The following CTNNA3 variants were observed in gnomAD, a reference collection of about 807,000 sequenced individuals.
CTNNA3 encodes the protein catenin alpha 3, also known as catenin alpha-3.
In CTNNA3, 76 loss-of-function variants were observed where a neutral mutation model predicts 95.7. The observed-to-expected ratio is 0.79, with a 90% CI of 0.66 to 0.96. CTNNA3 has a LOEUF of 0.96. Among genes scored for constraint, CTNNA3 ranks in the 40% least tolerant of loss-of-function variants. The probability of loss-of-function intolerance (pLI) is 0.00; values close to 1 mark genes in which losing one functional copy is unlikely to be tolerated. For missense variants in CTNNA3, 1,191 were observed against 1,089.8 expected (o/e 1.09, Z -1.31); for synonymous variants, 431 against 374.4 (o/e 1.15, Z -1.74).
intron 9 of CTNNA3, among the ~76,000 whole-genome samples, chr10:66,758,200 C>A (rs1336954409): frequency 2.0e-5 from 3 of 152,016 alleles, no homozygotes. Context: ...ACTTTCAATG[C>A]CAGGAATGGA....
chr10:67,213,367 T>C (rs1864220625), intron 6 of CTNNA3, among the ~76,000 whole-genome samples: 1 of 151,802 alleles, frequency 6.6e-6, no homozygotes, highest in Non-Finnish European at 1.5e-5. Context: ...CACCAGCAGT[T>C]TGTCAATTTT....
chr10:67,251,938 G>A (rs1866123114), intron 5 of CTNNA3, among the ~76,000 whole-genome samples: 1 of 152,096 alleles, frequency 6.6e-6, no homozygotes, highest in South Asian at 2.1e-4. Context: ...CTGAGGAGGT[G>A]GTGGCTCACA....
At chr10:66,340,780 C>A (rs1564881133) in intron 12 of CTNNA3, among the ~76,000 whole-genome samples, 1 of 151,426 alleles carries the variant, frequency 6.6e-6, no homozygotes, top group African/African-American at 2.4e-5. Context: ...TATTCTTACC[C>A]CTGTTTAATA....
intron 11 of CTNNA3, among the ~76,000 whole-genome samples, chr10:66,440,099 A>G (rs1453914065): frequency 6.6e-6 from 1 of 152,162 alleles, no homozygotes; most frequent in Non-Finnish European, 1.5e-5. Context: ...TTGGGCTATT[A>G]AAACAGTATT....
At chr10:66,282,186 GAC>G (rs1489279968) in intron 12 of CTNNA3, among the ~76,000 whole-genome samples, 1 of 151,670 alleles carries the variant, frequency 6.6e-6, no homozygotes, top group Non-Finnish European at 1.5e-5. Flanking sequence ...CCTTTCAGCG[GAC>G]GGAATAATAA....
In CTNNA3 at chr10:66,929,979, A is replaced by G. The variant is rs137935866; in HGVS notation, c.1048-154455T>C. Among the ~76,000 whole-genome samples, 20 of 152,290 alleles carry G rather than the reference A, an allele frequency of 1.3e-4. 1 individual carries two copies. The East Asian group carries it at 3.7e-3, about 28-fold the overall frequency. ...TTTAATTTGGCTTGCCAACCCCTAC[A>G]TCTTTAACCATGTCCCTCTTCTCTG... On this transcript the variant is annotated intron_variant, in intron 7 of 17. Transcript: ENST00000433211.
chr10:66,132,010 G>A (rs1199145076), intron 13 of CTNNA3, among the ~76,000 whole-genome samples: 1 of 152,100 alleles, frequency 6.6e-6, no homozygotes, highest in Non-Finnish European at 1.5e-5. Context: ...TCATGACGAA[G>A]ACACTGAAGG....
intron 17 of CTNNA3, among the ~76,000 whole-genome samples, chr10:65,948,162 T>G (rs2077549669): frequency 6.6e-6 from 1 of 150,892 alleles, no homozygotes; most frequent in Admixed American, 6.6e-5. Context: ...GCGCCTGTAG[T>G]CCCAGCTACT....
intron 5 of CTNNA3, among the ~76,000 whole-genome samples, chr10:67,412,119 C>T (rs1031024424): frequency 2.6e-5 from 4 of 151,992 alleles, no homozygotes; most frequent in Admixed American, 6.6e-5. Context: ...AAAGTACACT[C>T]CATTGAGTTG....
At chr10:67,362,531 T>C (rs1843025678) in intron 5 of CTNNA3, among the ~76,000 whole-genome samples, 1 of 152,118 alleles carries the variant, frequency 6.6e-6, no homozygotes, top group African/African-American at 2.4e-5. Context: ...CCATATATCA[T>C]CTTAATAGAT....
intron 13 of CTNNA3, among the ~76,000 whole-genome samples, chr10:66,208,191 G>C (rs143637395): frequency 6.6e-6 from 1 of 152,066 alleles, no homozygotes; most frequent in Non-Finnish European, 1.5e-5. Flanking sequence ...CATCTGCGGG[G>C]TAAGAATTAA....
At chr10:66,067,310 C>T (rs866737426) in intron 15 of CTNNA3, among the ~76,000 whole-genome samples, 2 of 152,022 alleles carry the variant, frequency 1.3e-5, no homozygotes, top group Non-Finnish European at 2.9e-5. Flanking sequence ...AGGGTCTTGC[C>T]CCATATCCAG....
intron 11 of CTNNA3, among the ~76,000 whole-genome samples, chr10:66,518,387 T>G (rs1840938223): frequency 6.6e-6 from 1 of 152,150 alleles, no homozygotes; most frequent in African/African-American, 2.4e-5. Flanking sequence ...CTAAACTACC[T>G]CTACATTGAT....
chr10:66,294,216 AT>A (rs2091737939), intron 12 of CTNNA3, among the ~76,000 whole-genome samples: 1 of 152,190 alleles, frequency 6.6e-6, no homozygotes, highest in African/African-American at 2.4e-5. Flanking sequence ...TCCTTGCAGC[AT>A]GTTGGAAATA....
chr10:67,110,402 G>A (rs1046790204), intron 7 of CTNNA3, among the ~76,000 whole-genome samples: 2 of 152,042 alleles, frequency 1.3e-5, no homozygotes, highest in Non-Finnish European at 2.9e-5. Flanking sequence ...TGGGGCTCTG[G>A]GATTGTTAAG....
chr10:67,519,056 A>G (rs191882013), intron 5 of CTNNA3, among the ~76,000 whole-genome samples: 1 of 152,156 alleles, frequency 6.6e-6, no homozygotes, highest in African/African-American at 2.4e-5. Flanking sequence ...TTTTGAAAGT[A>G]GGAAAATGTA....
At chr10:66,036,421 T>C (rs1428823381) in intron 15 of CTNNA3, among the ~76,000 whole-genome samples, 2 of 152,228 alleles carry the variant, frequency 1.3e-5, no homozygotes, top group African/African-American at 4.8e-5. Flanking sequence ...TTGCCCAGGC[T>C]GGAGTCTCAT....
rs201127861 is a variant in CTNNA3 at position 67,640,459 on chromosome 10, C to T, written c.99+6956G>A. On this transcript the variant is annotated intron_variant, in intron 2 of 17. Coordinates refer to ENST00000433211, the MANE Select transcript of CTNNA3 (RefSeq NM_013266.4). ...GTAATTTATATATTCAATGCCATCC[C>T]CATCAAGCTACCAATGACTTTCTTC... 9.9e-5 allele frequency among the ~76,000 whole-genome samples: 15 copies of T among 152,284 alleles called. No homozygotes were observed. The East Asian group carries it at 2.9e-3, about 29-fold the overall frequency.
chr10:67,153,377 C>T (rs183283428), intron 7 of CTNNA3, among the ~76,000 whole-genome samples: 43 of 152,150 alleles, frequency 2.8e-4, no homozygotes, highest in Non-Finnish European at 5.3e-4. Context: ...ATTTTTAAGC[C>T]TCTCATGTGA....
Sources: gnomAD v4.1 joint callset for allele counts (sites outside exome capture counted in the v4.1 genomes callset) on GRCh38, gnomAD v4.1.1 for gene constraint, MANE v1.5 for transcripts, NCBI Gene and HGNC (gene_info 2026-07-23, HGNC 2026-07-21) for gene names.